The following CALCR variants were observed in gnomAD, a reference collection of about 807,000 sequenced individuals.
CALCR encodes the protein calcitonin receptor.
CALCR carries 47 observed loss-of-function variants against 59.5 expected under a neutral mutation model. The ratio of observed to expected loss-of-function variants is 0.79; its 90% confidence interval spans 0.63 to 1.01. The LOEUF (loss-of-function observed/expected upper bound fraction) is 1.01, where lower values mean the gene tolerates loss of function less well. Ranked by LOEUF, CALCR falls within the 50% of genes least tolerant of loss-of-function variation. The pLI, the probability that CALCR is intolerant of heterozygous loss-of-function variation, is 0.00. For synonymous variants in CALCR, 213 were observed against 211.3 expected (o/e 1.01, Z -0.07); for missense variants, 566 against 597.1 (o/e 0.95, Z 0.54).
intron 5 of CALCR, 80 bp from the exon 6 acceptor site, chr7:93,472,567 C>A: frequency 1.2e-6 from 1 of 816,480 alleles, no homozygotes; most frequent in Non-Finnish European, 2.1e-6. Context: ...AGCTTAAAAG[C>A]CATTCCAACA....
intron 5 of CALCR, among the ~76,000 whole-genome samples, chr7:93,473,587 C>T (rs946592371): frequency 3.5e-5 from 5 of 144,334 alleles, no homozygotes; most frequent in South Asian, 2.2e-4. Context: ...TTGGCCCCCC[C>T]CCCTTTTTTT....
intron 2 of CALCR, among the ~76,000 whole-genome samples, chr7:93,549,456 G>T (rs1230609521): frequency 1.3e-5 from 2 of 152,088 alleles, no homozygotes; most frequent in Non-Finnish European, 2.9e-5. Flanking sequence ...TTCTGAATTT[G>T]TAAACCATTT....
At chr7:93,449,295 A>G (rs895188529) in intron 8 of CALCR, among the ~76,000 whole-genome samples, 2 of 152,014 alleles carry the variant, frequency 1.3e-5, no homozygotes, top group African/African-American at 4.8e-5. Context: ...AGAAGAATCA[A>G]TAAGTCAATT....
chr7:93,457,716 A>G (rs1364395331), intron 8 of CALCR, among the ~76,000 whole-genome samples: 1 of 152,104 alleles, frequency 6.6e-6, no homozygotes, highest in Non-Finnish European at 1.5e-5. Flanking sequence ...TTCTTAGTTA[A>G]TTGCTTCTAC....
intron 8 of CALCR, among the ~76,000 whole-genome samples, chr7:93,452,585 A>T (rs1800132563): frequency 6.6e-6 from 1 of 152,046 alleles, no homozygotes; most frequent in South Asian, 2.1e-4. Flanking sequence ...TGAGTCTGTT[A>T]TGCAATCTTG....
At chr7:93,439,784 T>C (rs2299245) in intron 9 of CALCR, among the ~76,000 whole-genome samples, 17,108 of 152,080 alleles carry the variant, frequency 0.11, 1,440 homozygotes, top group East Asian at 0.46. Context: ...CTTCCTTTGA[T>C]TTCTAACAAG....
At chr7:93,526,771 C>T (rs1801885708) in intron 2 of CALCR, among the ~76,000 whole-genome samples, 1 of 151,990 alleles carries the variant, frequency 6.6e-6, no homozygotes, top group Non-Finnish European at 1.5e-5. Context: ...CTTTTAACTA[C>T]AAAAATTTTA....
intron 2 of CALCR, among the ~76,000 whole-genome samples, chr7:93,555,851 C>T (rs930292883): frequency 3.3e-5 from 5 of 152,106 alleles, no homozygotes; most frequent in East Asian, 1.9e-4. Context: ...AGATATTTAT[C>T]GCATTTATGA....
chr7:93,457,583 G>C (rs62466838), intron 8 of CALCR, among the ~76,000 whole-genome samples: 2 of 152,172 alleles, frequency 1.3e-5, no homozygotes, highest in Non-Finnish European at 2.9e-5. Context: ...GATCAATGTA[G>C]TTGATTATTC....
At chr7:93,560,547 C>A (rs1020633769) in intron 2 of CALCR, among the ~76,000 whole-genome samples, 2 of 152,006 alleles carry the variant, frequency 1.3e-5, no homozygotes, top group African/African-American at 4.8e-5. Context: ...ATCTGAAAAT[C>A]TTTACAATTT....
intron 9 of CALCR, 145 bp from the exon 10 acceptor site, chr7:93,438,415 A>T (rs184714210): frequency 8.4e-5 from 57 of 679,810 alleles, no homozygotes; most frequent in Admixed American, 2.5e-4. Flanking sequence ...TTTCACAAAA[A>T]TCATCTTTGG....
At chr7:93,558,600 T>C (rs1316313211) in intron 2 of CALCR, among the ~76,000 whole-genome samples, 1 of 152,132 alleles carries the variant, frequency 6.6e-6, no homozygotes, top group African/African-American at 2.4e-5. Context: ...ACTCTTATTA[T>C]ATTTATCATC....
rs1166049376 is a variant in CALCR, at chr7:93,486,978, T to G, written c.4A>C (p.Arg2=). The G allele has an allele frequency of 1.3e-6, 2 of 1,599,990 alleles. No homozygotes were observed. The highest frequency in any genetic ancestry group is 1.7e-6 in the Non-Finnish European group (2 of 1,170,094). The part of the protein sequence containing the change: M[R]FTFTSRCLAL... ...AAGCACCGGCTTGTAAATGTGAACC[T>G]CATTTTTGATTTTTGAAGATCTCTT... Residue 2 remains arginine, a synonymous_variant, in exon 3 of 14, where the codon AGG becomes CGG. Coordinates refer to ENST00000426151, the MANE Select transcript of CALCR (RefSeq NM_001742.4).
chr7:93,530,504 C>T (rs906312072), intron 2 of CALCR, among the ~76,000 whole-genome samples: 1 of 152,064 alleles, frequency 6.6e-6, no homozygotes, highest in African/African-American at 2.4e-5. Flanking sequence ...ATTTCCTTTA[C>T]ATAAAAATAA....
chr7:93,447,556 A>T (rs1160280337), intron 8 of CALCR, among the ~76,000 whole-genome samples: 1 of 151,894 alleles, frequency 6.6e-6, no homozygotes, highest in Admixed American at 6.6e-5. Flanking sequence ...ATAGAGGAAG[A>T]CCTTAAGTAT....
intron 2 of CALCR, among the ~76,000 whole-genome samples, chr7:93,549,419 C>A (rs1203852668): frequency 6.6e-6 from 1 of 152,150 alleles, no homozygotes; most frequent in African/African-American, 2.4e-5. Flanking sequence ...GTCCTCTCAA[C>A]TACTGAATTT....
rs1031969986 is a variant in CALCR, at chr7:93,425,255, A to G, written c.*1101T>C. On this transcript the variant is annotated 3_prime_UTR_variant, in exon 14 of 14. Transcript: ENST00000426151. Reference sequence around the variant, plus strand: ...TAATTTTTTCCCCTCCTGTTTTGGTAATAACAAGAAACAAGCGGTCAACCA... The same window carrying G: ...TAATTTTTTCCCCTCCTGTTTTGGTGATAACAAGAAACAAGCGGTCAACCA... 6.6e-6 allele frequency: 1 copy of G among 152,586 alleles called. No homozygotes were observed. The highest frequency in any genetic ancestry group is 1.5e-5 in the Non-Finnish European group (1 of 68,020). The allele number at this position is 152,586 out of a possible 1,614,324, so 9.5% of individuals were successfully genotyped here.
chr7:93,470,723 A>C (rs1409187794), intron 6 of CALCR, among the ~76,000 whole-genome samples: 1 of 151,202 alleles, frequency 6.6e-6, no homozygotes, highest in Non-Finnish European at 1.5e-5. Context: ...GATTTGTGGA[A>C]AGCATTTTAT....
At chr7:93,481,020 C>G (rs143455480) in intron 3 of CALCR, among the ~76,000 whole-genome samples, 1 of 151,786 alleles carries the variant, frequency 6.6e-6, no homozygotes, top group Non-Finnish European at 1.5e-5. Context: ...CTTGTTTTGT[C>G]ACTTTGAGCA....
Sources: gnomAD v4.1 joint callset for allele counts (sites outside exome capture counted in the v4.1 genomes callset) on GRCh38, gnomAD v4.1.1 for gene constraint, MANE v1.5 for transcripts, NCBI Gene and HGNC (gene_info 2026-07-23, HGNC 2026-07-21) for gene names.